SLC25A12: variants seen among roughly 807,000 people sequenced by gnomAD.
SLC25A12 encodes the protein electrogenic aspartate/glutamate antiporter SLC25A12, mitochondrial.
SLC25A12 carries 32 observed loss-of-function variants against 83.3 expected under a neutral mutation model. That is an observed-to-expected ratio of 0.38 (90% CI 0.29 to 0.52). The LOEUF (loss-of-function observed/expected upper bound fraction) is 0.52. Ranked by LOEUF, SLC25A12 falls within the 20% of genes least tolerant of loss-of-function variation. The pLI is 0.84. For missense variants in SLC25A12, 611 were observed against 835.6 expected (o/e 0.73, Z 3.31); for synonymous variants, 267 against 291.1 (o/e 0.92, Z 0.84).
chr2:171,841,261 G>T (rs146701232), intron 5 of SLC25A12, among the ~76,000 whole-genome samples: 1 of 152,122 alleles, frequency 6.6e-6, no homozygotes, highest in East Asian at 1.9e-4. Context: ...TGCACTTTTA[G>T]TAGAGACAGG....
chr2:171,830,793 G>A (rs1684416363), intron 8 of SLC25A12, among the ~76,000 whole-genome samples: 1 of 152,180 alleles, frequency 6.6e-6, no homozygotes, highest in African/African-American at 2.4e-5. Flanking sequence ...GATTACAGGT[G>A]TGAGCCACCA....
chr2:171,873,094 G>T lies in SLC25A12; in HGVS notation c.67-4271C>A, dbSNP rs183264426. Among the ~76,000 whole-genome samples, 220 of 152,300 alleles carry T rather than the reference G, an allele frequency of 1.4e-3. 1 individual carries two copies. The highest frequency in any genetic ancestry group is 5.1e-3 in the African/African-American group (211 of 41,560). On this transcript the variant is annotated intron_variant, in intron 2 of 17. Coordinates refer to ENST00000422440, the MANE Select transcript of SLC25A12 (RefSeq NM_003705.5). ...TGCTATCCTTGATGGCAACATAAAA[G>T]GTGAGTGAAGGAGAGAAGAACTAAC...
At chr2:171,881,714 A>G (rs1053578971) in intron 2 of SLC25A12, among the ~76,000 whole-genome samples, 1 of 152,192 alleles carries the variant, frequency 6.6e-6, no homozygotes, top group Non-Finnish European at 1.5e-5. Context: ...AGTCCTTTAA[A>G]AACAGGGATA....
intron 14 of SLC25A12, among the ~76,000 whole-genome samples, chr2:171,791,967 T>C (rs559125807): frequency 3.9e-5 from 6 of 152,304 alleles, no homozygotes; most frequent in Admixed American, 2.6e-4. Context: ...CTTAAGTTTT[T>C]ACATCAGCTG....
chr2:171,876,608 G>A (rs1339396907), intron 2 of SLC25A12, among the ~76,000 whole-genome samples: 2 of 150,334 alleles, frequency 1.3e-5, no homozygotes, highest in African/African-American at 4.9e-5. Flanking sequence ...CCACAGGTAC[G>A]TGCCACCATG....
intron 4 of SLC25A12, chr2:171,852,832 A>C: frequency 3.3e-6 from 1 of 301,486 alleles, no homozygotes; most frequent in South Asian, 3.0e-5. Flanking sequence ...TAAAAATATG[A>C]AAGGAAACTT....
intron 6 of SLC25A12, 143 bp from the exon 7 acceptor site, chr2:171,835,008 G>A: frequency 2.3e-6 from 2 of 868,774 alleles, no homozygotes; most frequent in Non-Finnish European, 3.7e-6. Context: ...TACAAGGAAA[G>A]TATCACACTG....
At chr2:171,816,189 C>T (rs1047767512) in intron 9 of SLC25A12, among the ~76,000 whole-genome samples, 12 of 151,492 alleles carry the variant, frequency 7.9e-5, no homozygotes, top group South Asian at 2.1e-4. Flanking sequence ...ACTCAGCCTC[C>T]GAAGTAGCTA....
chr2:171,809,484 T>C, intron 13 of SLC25A12, 122 bp downstream of exon 13: 1 of 809,738 alleles, frequency 1.2e-6, no homozygotes, highest in Non-Finnish European at 2.2e-6. Flanking sequence ...ATATGATTAT[T>C]GAGAAAACCT....
chr2:171,890,972 C>T (rs189311137), intron 2 of SLC25A12, among the ~76,000 whole-genome samples: 10 of 152,172 alleles, frequency 6.6e-5, no homozygotes, highest in South Asian at 2.1e-4. Context: ...AAGATAATGA[C>T]GATATGCAAA....
At position 171,855,967 on chromosome 2, in the gene SLC25A12, A is replaced by C; in HGVS notation, c.210-18T>G. 7.1e-7 allele frequency: 1 copy of C among 1,400,594 alleles called. No individual in the cohort carries two copies. The highest frequency in any genetic ancestry group is 1.0e-6 in the Non-Finnish European group (1 of 985,442). The allele number at this position is 1,400,594 out of a possible 1,614,324, so 86.8% of individuals were successfully genotyped here. ...AGATCAACCTGGAATAAAATATAAA[A>C]CGTCATTGGCTGGTGAAGAAAGGGA... On this transcript the variant is annotated intron_variant, in intron 3 of 17. Coordinates refer to ENST00000422440, the MANE Select transcript of SLC25A12 (RefSeq NM_003705.5).
intron 10 of SLC25A12, among the ~76,000 whole-genome samples, chr2:171,813,898 A>G (rs1159108287): frequency 1.3e-5 from 2 of 152,252 alleles, no homozygotes; most frequent in Non-Finnish European, 2.9e-5. Context: ...TAAAATGACT[A>G]TATCCGTACA....
chr2:171,880,789 T>C (rs542749791), intron 2 of SLC25A12, among the ~76,000 whole-genome samples: 9 of 152,344 alleles, frequency 5.9e-5, no homozygotes, highest in Middle Eastern at 6.8e-3. Context: ...AAATTTTTCA[T>C]AACAAAGTTA....
chr2:171,891,267 C>A (rs1394612448), intron 2 of SLC25A12, among the ~76,000 whole-genome samples: 1 of 152,040 alleles, frequency 6.6e-6, no homozygotes, highest in Non-Finnish European at 1.5e-5. Context: ...CCAGTGCATT[C>A]CAGCCTGGGC....
intron 17 of SLC25A12, among the ~76,000 whole-genome samples, chr2:171,786,920 G>C (rs1156407014): frequency 6.6e-6 from 1 of 152,178 alleles, no homozygotes; most frequent in Admixed American, 6.5e-5. Flanking sequence ...GCACAAAAGT[G>C]TTACTGGTAT....
rs1203672122 is a variant in SLC25A12 at position 171,878,349 on chromosome 2, TTGAACA to T, written c.67-9532_67-9527del. On this transcript the variant is annotated intron_variant, in intron 2 of 17. Transcript: ENST00000422440. ...CCTATTGTGAGGCAAAAATGACACC[TTGAACA>T]CCAAAGTACTTCAAAATTGTAAAAT... Among the ~76,000 whole-genome samples the T allele has an allele frequency of 1.3e-4, 20 of 152,342 alleles. No individual in the cohort carries two copies. In the East Asian group the frequency reaches 3.5e-3, roughly 26 times the overall value.
At chr2:171,801,247 A>G (rs1294965425) in intron 13 of SLC25A12, among the ~76,000 whole-genome samples, 1 of 152,236 alleles carries the variant, frequency 6.6e-6, no homozygotes, top group Non-Finnish European at 1.5e-5. Context: ...ACATCATAGA[A>G]TAAAAGGACT....
rs1378159749 is a variant in SLC25A12, at chr2:171,813,349, T to G, written c.1161A>C (p.Gly387=). The G allele has an allele frequency of 3.1e-6, 5 of 1,613,798 alleles. No individual in the cohort carries two copies. The East Asian group carries it at 6.7e-5, about 22-fold the overall frequency. The stretch of plus-strand genomic sequence containing the variant: ...GATTTGCTTACTCACCCCTGTAGAG[T>G]CCAAAGAAGCCCTCATAACGCAAGA... ...KKVLRYEGFF[G]LYRGLIPQLI... Residue 387 remains glycine (G), a synonymous_variant, in exon 11 of 18, where the codon GGA becomes GGC. Coordinates refer to ENST00000422440, the MANE Select transcript of SLC25A12 (RefSeq NM_003705.5).
At chr2:171,876,052 T>C (rs1169232547) in intron 2 of SLC25A12, among the ~76,000 whole-genome samples, 2 of 152,144 alleles carry the variant, frequency 1.3e-5, no homozygotes, top group Non-Finnish European at 2.9e-5. Context: ...AGAGCAGCCT[T>C]AGCACAAACC....
Sources: allele counts gnomAD v4.1 joint callset (sites outside exome capture counted in the v4.1 genomes callset), GRCh38; gene constraint gnomAD v4.1.1; transcripts MANE v1.5; gene names NCBI Gene and HGNC (gene_info 2026-07-23, HGNC 2026-07-21).